The following MTREX variants were observed in gnomAD, a reference collection of about 807,000 sequenced individuals.
MTREX encodes the protein Mtr4 exosome RNA helicase.
A neutral mutation model predicts 135.4 loss-of-function variants in MTREX; 76 were observed. That is an observed-to-expected ratio of 0.56 (90% CI 0.47 to 0.68). The LOEUF (loss-of-function observed/expected upper bound fraction) is 0.68, where lower values mean the gene tolerates loss of function less well. MTREX is among the 30% of genes least tolerant of loss of function. The pLI is 0.00. For synonymous variants in MTREX, 404 were observed against 401.6 expected (o/e 1.01, Z -0.07); for missense variants, 920 against 1,262.1 (o/e 0.73, Z 4.11).
chr5:55,321,791 T>G (rs1249581240), intron 1 of MTREX, among the ~76,000 whole-genome samples: 1 of 151,978 alleles, frequency 6.6e-6, no homozygotes, highest in Non-Finnish European at 1.5e-5. Flanking sequence ...GTATTTTTAG[T>G]AGAGATGGGA....
chr5:55,367,257 C>T (rs1295229625), intron 16 of MTREX, among the ~76,000 whole-genome samples: 3 of 152,028 alleles, frequency 2.0e-5, no homozygotes, highest in Non-Finnish European at 1.5e-5. Context: ...GAGGCCGAGA[C>T]GGGTGGATCA....
intron 19 of MTREX, among the ~76,000 whole-genome samples, chr5:55,396,441 G>A (rs1175528628): frequency 1.3e-5 from 2 of 152,130 alleles, no homozygotes; most frequent in African/African-American, 2.4e-5. Flanking sequence ...GTCAAGTGAA[G>A]TGATGTCTGC....
At chr5:55,412,140 C>T (rs1486405421) in intron 23 of MTREX, among the ~76,000 whole-genome samples, 4 of 152,118 alleles carry the variant, frequency 2.6e-5, no homozygotes, top group East Asian at 1.9e-4. Context: ...CTTGTGGTGG[C>T]GCCTTTTAAC....
intron 18 of MTREX, among the ~76,000 whole-genome samples, chr5:55,379,485 A>C (rs1750358734): frequency 1.3e-5 from 2 of 151,574 alleles, no homozygotes; most frequent in South Asian, 4.2e-4. Flanking sequence ...GCACCAAGCC[A>C]GTCCTTTATA....
At chr5:55,395,103 T>C (rs746440630) in intron 19 of MTREX, among the ~76,000 whole-genome samples, 18 of 148,598 alleles carry the variant, frequency 1.2e-4, no homozygotes, top group Admixed American at 3.4e-4. Flanking sequence ...CAGAGAGAGA[T>C]ATATAAAATA....
chr5:55,322,377 A>T lies in MTREX; in HGVS notation c.185A>T (p.Asn62Ile). The T allele has an allele frequency of 1.9e-6, 3 of 1,610,398 alleles. No homozygotes were observed. The highest frequency in any genetic ancestry group is 1.7e-6 in the Non-Finnish European group (2 of 1,177,770). Residue 62 changes from asparagine (N) to isoleucine (I), a missense_variant, in exon 2 of 27, where the codon AAT (asparagine) becomes ATT (isoleucine). Asn to Ile is a moderately radical substitution (Grantham distance 149). Transcript: ENST00000230640. ...TCAGAATCAACTAATAATGGAAAAA[A>T]TAAGAGAGATGTAGATTTCGAAGGT... ...LQSESTNNGK[N>I]KRDVDFEGTD...
chr5:55,318,608 G>T (rs1579845576), intron 1 of MTREX, among the ~76,000 whole-genome samples: 2 of 152,278 alleles, frequency 1.3e-5, no homozygotes, highest in South Asian at 4.1e-4. Context: ...AGACACTGGG[G>T]TCTACTTGGA....
At chr5:55,334,516 A>G (rs1444855125) in intron 5 of MTREX, among the ~76,000 whole-genome samples, 4 of 152,110 alleles carry the variant, frequency 2.6e-5, no homozygotes, top group Non-Finnish European at 5.9e-5. Context: ...ACGTGTTGGT[A>G]TCAGGTTGTT....
At chr5:55,402,813 G>A (rs1385961660) in intron 21 of MTREX, among the ~76,000 whole-genome samples, 1 of 128,670 alleles carries the variant, frequency 7.8e-6, no homozygotes, top group African/African-American at 2.9e-5. Context: ...ATAAATATAA[G>A]CACATTATAT....
At chr5:55,382,454 T>C (rs969539717) in intron 18 of MTREX, among the ~76,000 whole-genome samples, 10 of 152,148 alleles carry the variant, frequency 6.6e-5, no homozygotes, top group South Asian at 2.1e-4. Flanking sequence ...CAGTGTGATA[T>C]AGAGGTGTTA....
chr5:55,366,195 A>G (rs1301169909), intron 15 of MTREX, among the ~76,000 whole-genome samples: 1 of 152,166 alleles, frequency 6.6e-6, no homozygotes, highest in Non-Finnish European at 1.5e-5. Flanking sequence ...AGGAAGACAA[A>G]AAGGAATTAA....
chr5:55,367,499 A>G (rs866115307), intron 16 of MTREX, among the ~76,000 whole-genome samples: 1 of 151,496 alleles, frequency 6.6e-6, no homozygotes, highest in Admixed American at 6.6e-5. Context: ...AAAAAAAAAA[A>G]GCAGCACATG....
At chr5:55,314,950 G>T (rs1422480328) in intron 1 of MTREX, among the ~76,000 whole-genome samples, 1 of 152,180 alleles carries the variant, frequency 6.6e-6, no homozygotes, top group African/African-American at 2.4e-5. Flanking sequence ...CAGAGCTCAG[G>T]TGATAATGTT....
intron 21 of MTREX, among the ~76,000 whole-genome samples, chr5:55,404,363 G>T (rs546384447): frequency 6.6e-6 from 1 of 152,204 alleles, no homozygotes; most frequent in East Asian, 1.9e-4. Flanking sequence ...TGACATCAAG[G>T]TGATACATTT....
chr5:55,320,419 G>A (rs1222568877), intron 1 of MTREX, among the ~76,000 whole-genome samples: 3 of 151,928 alleles, frequency 2.0e-5, no homozygotes, highest in Admixed American at 6.6e-5. Context: ...GGGTTTCACC[G>A]TGTTAGCCAG....
chr5:55,364,572 GA>G (rs752006219), intron 15 of MTREX, among the ~76,000 whole-genome samples: 2 of 152,172 alleles, frequency 1.3e-5, no homozygotes, highest in Non-Finnish European at 2.9e-5. Context: ...GCATGTTTAG[GA>G]AGATTCATCT....
chr5:55,366,650 C>G, intron 15 of MTREX, 75 bp from the exon 16 acceptor site: 1 of 1,087,404 alleles, frequency 9.2e-7, no homozygotes, highest in Non-Finnish European at 1.3e-6. Context: ...TGTTATTGAG[C>G]ATTATAGTAG....
At chr5:55,420,280 A>G (rs1751034201) in intron 25 of MTREX, among the ~76,000 whole-genome samples, 1 of 152,226 alleles carries the variant, frequency 6.6e-6, no homozygotes, top group Admixed American at 6.5e-5. Context: ...TATGCCAGAA[A>G]GCTGAAGGCA....
intron 26 of MTREX, chr5:55,423,261 A>G (rs1751084630): frequency 2.8e-6 from 1 of 358,318 alleles, no homozygotes; most frequent in Non-Finnish European, 5.0e-6. Context: ...CCCTGCCTTC[A>G]TGGAGTTTAC....
Sources: gnomAD v4.1 joint callset for allele counts (sites outside exome capture counted in the v4.1 genomes callset) on GRCh38, gnomAD v4.1.1 for gene constraint, MANE v1.5 for transcripts, NCBI Gene and HGNC (gene_info 2026-07-23, HGNC 2026-07-21) for gene names.